Variants in PAK5 observed in about 807,000 individuals in gnomAD.
The protein encoded by PAK5 is serine/threonine-protein kinase PAK 5.
Under a neutral mutation model 65.9 loss-of-function variants are expected in PAK5, and 16 were observed. The observed-to-expected ratio is 0.24, with a 90% CI of 0.16 to 0.37. The LOEUF is 0.37. Ranked by LOEUF, PAK5 falls within the 10% of genes least tolerant of loss-of-function variation. The probability of loss-of-function intolerance (pLI) is 1.00; values close to 1 mark genes in which losing one functional copy is unlikely to be tolerated. For missense variants in PAK5, 785 were observed against 903.9 expected (o/e 0.87, Z 1.69); for synonymous variants, 371 against 354.9 (o/e 1.05, Z -0.51).
rs540651562 is a variant in PAK5 at position 9,745,442 on chromosome 20, G to A, written c.-161-34007C>T. On this transcript the variant is annotated intron_variant, in intron 1 of 9. Transcript: ENST00000353224. ...TGTGAAATGAAAAGGGCCACAAAAA[G>A]GAAAAAATCCTTTACAGCTATTAAA... Among the ~76,000 whole-genome samples, 16 of 151,988 alleles carry A rather than the reference G, an allele frequency of 1.1e-4. No individual in the cohort carries two copies. In the South Asian group the frequency reaches 3.3e-3, roughly 32 times the overall value.
intron 3 of PAK5, among the ~76,000 whole-genome samples, chr20:9,602,413 T>C (rs898315695): frequency 6.6e-6 from 1 of 152,198 alleles, no homozygotes; most frequent in African/African-American, 2.4e-5. Flanking sequence ...TAGGGAATAA[T>C]AGTGCCCATG....
At chr20:9,742,508 G>T (rs2123590053) in intron 1 of PAK5, among the ~76,000 whole-genome samples, 1 of 152,256 alleles carries the variant, frequency 6.6e-6, no homozygotes, top group East Asian at 1.9e-4. Flanking sequence ...TCTCTTAGCT[G>T]AAGTCCCTTA....
chr20:9,549,321 A>C (rs780549746), intron 7 of PAK5, among the ~76,000 whole-genome samples: 35 of 152,156 alleles, frequency 2.3e-4, no homozygotes, highest in Admixed American at 7.2e-4. Context: ...CCCCACAAGC[A>C]TGTGTTCAGA....
At chr20:9,673,027 C>T (rs973603935) in intron 2 of PAK5, among the ~76,000 whole-genome samples, 3 of 152,120 alleles carry the variant, frequency 2.0e-5, no homozygotes, top group Non-Finnish European at 4.4e-5. Context: ...ACCTATTCAT[C>T]TTTATGCAAA....
At chr20:9,686,539 G>A (rs2047721776) in intron 2 of PAK5, among the ~76,000 whole-genome samples, 2 of 152,104 alleles carry the variant, frequency 1.3e-5, no homozygotes, top group South Asian at 4.1e-4. Context: ...TTACAGGTGT[G>A]CGCCCCTGCA....
chr20:9,569,893 C>A (rs1237662844), intron 4 of PAK5, among the ~76,000 whole-genome samples: 1 of 151,902 alleles, frequency 6.6e-6, no homozygotes, highest in Non-Finnish European at 1.5e-5. Flanking sequence ...ACTCAGACAG[C>A]CTTGGCATCA....
chr20:9,760,683 T>C (rs1163819142), intron 1 of PAK5, among the ~76,000 whole-genome samples: 2 of 149,124 alleles, frequency 1.3e-5, no homozygotes, highest in Non-Finnish European at 3.0e-5. Context: ...CTTTTTTTTT[T>C]TTTTTTTAGA....
At chr20:9,624,671 G>C (rs1283531986) in intron 3 of PAK5, among the ~76,000 whole-genome samples, 1 of 151,946 alleles carries the variant, frequency 6.6e-6, no homozygotes, top group African/African-American at 2.4e-5. Flanking sequence ...AAAGGCCCTG[G>C]CTCTGGAGTC....
intron 2 of PAK5, among the ~76,000 whole-genome samples, chr20:9,681,586 A>G (rs2047650571): frequency 6.6e-6 from 1 of 152,108 alleles, no homozygotes; most frequent in Non-Finnish European, 1.5e-5. Context: ...TGGCAACATA[A>G]ATCTTTATCT....
intron 2 of PAK5, among the ~76,000 whole-genome samples, chr20:9,683,869 C>T (rs2047682838): frequency 6.6e-6 from 1 of 152,156 alleles, no homozygotes; most frequent in Admixed American, 6.6e-5. Context: ...GGTCATGTGA[C>T]TGAGTGAGGC....
At chr20:9,728,002 G>T (rs1484917049) in intron 1 of PAK5, among the ~76,000 whole-genome samples, 1 of 151,954 alleles carries the variant, frequency 6.6e-6, no homozygotes, top group Admixed American at 6.6e-5. Flanking sequence ...TGGGTGCTAG[G>T]TGCTATAGTT....
chr20:9,652,660 C>T (rs1382238455), intron 2 of PAK5, among the ~76,000 whole-genome samples: 3 of 152,154 alleles, frequency 2.0e-5, no homozygotes, highest in Non-Finnish European at 4.4e-5. Context: ...TATCCAGTTG[C>T]TTTGTGACCT....
At chr20:9,546,747 G>A (rs2045350704) in intron 7 of PAK5, among the ~76,000 whole-genome samples, 1 of 152,196 alleles carries the variant, frequency 6.6e-6, no homozygotes, top group South Asian at 2.1e-4. Flanking sequence ...GTTGTGCTCA[G>A]CAATGAGGGC....
chr20:9,683,858 T>C (rs1392116709), intron 2 of PAK5, among the ~76,000 whole-genome samples: 1 of 152,158 alleles, frequency 6.6e-6, no homozygotes, highest in African/African-American at 2.4e-5. Context: ...GGCTGGGATA[T>C]GGTCATGTGA....
intron 1 of PAK5, among the ~76,000 whole-genome samples, chr20:9,775,213 A>G (rs2123685901): frequency 6.6e-6 from 1 of 152,222 alleles, no homozygotes; most frequent in East Asian, 1.9e-4. Context: ...TCATAGGGCT[A>G]TAAAATTTAG....
intron 1 of PAK5, among the ~76,000 whole-genome samples, chr20:9,787,364 C>T (rs1251108886): frequency 2.0e-5 from 3 of 152,160 alleles, no homozygotes; most frequent in Non-Finnish European, 4.4e-5. Flanking sequence ...CTGGTGGCAC[C>T]CTGTGCCTGG....
chr20:9,747,715 C>T (rs956476487), intron 1 of PAK5, among the ~76,000 whole-genome samples: 1 of 151,640 alleles, frequency 6.6e-6, no homozygotes, highest in African/African-American at 2.4e-5. Flanking sequence ...TATGAAAAAC[C>T]CACAGCCAAT....
chr20:9,633,939 T>C (rs1042321791), intron 3 of PAK5, among the ~76,000 whole-genome samples: 1 of 152,226 alleles, frequency 6.6e-6, no homozygotes, highest in Non-Finnish European at 1.5e-5. Context: ...TACCTTGGTC[T>C]TGAGGTGGCA....
chr20:9,638,553 A>T (rs2047010587), intron 3 of PAK5, among the ~76,000 whole-genome samples: 1 of 152,248 alleles, frequency 6.6e-6, no homozygotes, highest in African/African-American at 2.4e-5. Flanking sequence ...CAGCAGCATC[A>T]GTACCACCTG....
Sources: allele counts gnomAD v4.1 joint callset (sites outside exome capture counted in the v4.1 genomes callset), GRCh38; gene constraint gnomAD v4.1.1; transcripts MANE v1.5; gene names NCBI Gene and HGNC (gene_info 2026-07-23, HGNC 2026-07-21).